Variants in PACSIN2 observed in about 807,000 individuals in gnomAD.
The protein encoded by PACSIN2 is protein kinase C and casein kinase substrate in neurons protein 2.
PACSIN2 carries 25 observed loss-of-function variants against 63.8 expected under a neutral mutation model. The ratio of observed to expected loss-of-function variants is 0.39; its 90% CI spans 0.29 to 0.55. The LOEUF (loss-of-function observed/expected upper bound fraction) is 0.55, where lower values mean the gene tolerates loss of function less well. Ranked by LOEUF, PACSIN2 falls within the 20% of genes least tolerant of loss-of-function variation. The pLI, the probability that PACSIN2 is intolerant of heterozygous loss-of-function variation, is 0.62. For synonymous variants in PACSIN2, 255 were observed against 256.2 expected (o/e 1.00, Z 0.05); for missense variants, 518 against 646.9 (o/e 0.80, Z 2.16).
rs1923229910 is a variant in PACSIN2 at position 42,994,032 on chromosome 22, G to C, written c.-78+20989C>G. Among the ~76,000 whole-genome samples the C allele has an allele frequency of 2.6e-5, 4 of 152,218 alleles. No individual in the cohort carries two copies. The South Asian group carries it at 8.3e-4, about 31-fold the overall frequency. On this transcript the variant is annotated intron_variant, in intron 1 of 10. Transcript: ENST00000263246. ...AAAACTCTTCAGTGGGATTCCTCCAGGCTAAAGTCCAGTGAGCTAAAGCCG... is the reference window on the plus strand; with the variant it reads ...AAAACTCTTCAGTGGGATTCCTCCACGCTAAAGTCCAGTGAGCTAAAGCCG...
At chr22:42,958,560 CAAG>C (rs947551886) in intron 1 of PACSIN2, among the ~76,000 whole-genome samples, 6 of 151,960 alleles carry the variant, frequency 3.9e-5, no homozygotes, top group African/African-American at 1.5e-4. Flanking sequence ...GTTTTACTGA[CAAG>C]AAGGAAGGGA....
At chr22:42,949,449 T>C (rs983944657) in intron 1 of PACSIN2, among the ~76,000 whole-genome samples, 7 of 147,278 alleles carry the variant, frequency 4.8e-5, no homozygotes, top group Admixed American at 2.6e-4. Flanking sequence ...TTAAGCCTCA[T>C]ACACACACGC....
chr22:43,006,373 T>C (rs1175469708), intron 1 of PACSIN2, among the ~76,000 whole-genome samples: 1 of 152,218 alleles, frequency 6.6e-6, no homozygotes, highest in Non-Finnish European at 1.5e-5. Context: ...CACCTAGTGA[T>C]GGAGCTCGAA....
chr22:42,998,006 C>T (rs1293044679), intron 1 of PACSIN2, among the ~76,000 whole-genome samples: 2 of 152,192 alleles, frequency 1.3e-5, no homozygotes, highest in Non-Finnish European at 2.9e-5. Context: ...TCTAACAGGC[C>T]AGAGCTTTCC....
chr22:42,999,488 G>A (rs1923626174), intron 1 of PACSIN2, among the ~76,000 whole-genome samples: 1 of 152,204 alleles, frequency 6.6e-6, no homozygotes, highest in Admixed American at 6.5e-5. Context: ...TGACCAAGAT[G>A]GAGAAACCCT....
At chr22:42,877,233 T>C (rs1291373253) in intron 8 of PACSIN2, among the ~76,000 whole-genome samples, 3 of 152,138 alleles carry the variant, frequency 2.0e-5, no homozygotes, top group Non-Finnish European at 4.4e-5. Context: ...CCCTTTTCCT[T>C]CCTTGCACCT....
chr22:42,940,054 A>C (rs1933081942), intron 1 of PACSIN2, among the ~76,000 whole-genome samples: 2 of 152,202 alleles, frequency 1.3e-5, no homozygotes, highest in South Asian at 4.1e-4. Flanking sequence ...GGCCCCCTGC[A>C]TCCAGCAGCC....
At chr22:42,876,456 G>A in intron 9 of PACSIN2, 123 bp from the exon 10 acceptor site, 1 of 752,934 alleles carries the variant, frequency 1.3e-6, no homozygotes, top group Non-Finnish European at 2.2e-6. Flanking sequence ...TTCCGAAGGA[G>A]CACAGGTGGA....
intron 1 of PACSIN2, among the ~76,000 whole-genome samples, chr22:42,972,143 C>T (rs891625951): frequency 2.0e-5 from 3 of 152,188 alleles, no homozygotes; most frequent in Non-Finnish European, 4.4e-5. Flanking sequence ...ATAGGAGACT[C>T]CATTTTGTTC....
intron 1 of PACSIN2, among the ~76,000 whole-genome samples, chr22:42,918,908 CA>C (rs1931981416): frequency 6.6e-6 from 1 of 152,154 alleles, no homozygotes; most frequent in East Asian, 1.9e-4. Context: ...TGAAGAAACA[CA>C]TAAGCTGAGG....
intron 1 of PACSIN2, among the ~76,000 whole-genome samples, chr22:42,936,219 A>AG (rs1932914244): frequency 6.6e-6 from 1 of 151,630 alleles, no homozygotes; most frequent in South Asian, 2.1e-4. Flanking sequence ...CCGTCTCAAA[A>AG]AAAAAAAAAA....
intron 10 of PACSIN2, among the ~76,000 whole-genome samples, chr22:42,875,382 T>C (rs1928532997): frequency 6.6e-6 from 1 of 152,112 alleles, no homozygotes; most frequent in Non-Finnish European, 1.5e-5. Flanking sequence ...ATTTGTTTGT[T>C]TGTTTGCGAC....
chr22:42,943,454 CA>C (rs1250644551), intron 1 of PACSIN2, among the ~76,000 whole-genome samples: 1 of 152,196 alleles, frequency 6.6e-6, no homozygotes, highest in African/African-American at 2.4e-5. Context: ...GAACAGACAT[CA>C]AGGTCCTATT....
chr22:42,907,024 G>A (rs760625986), intron 2 of PACSIN2, among the ~76,000 whole-genome samples: 19 of 152,192 alleles, frequency 1.2e-4, no homozygotes, highest in Non-Finnish European at 2.4e-4. Context: ...AGCAGTCAGG[G>A]AAGGCTCTTC....
At position 43,013,706 on chromosome 22, in the gene PACSIN2, GGGAAGGAAGAA is replaced by G. The variant is rs1443279853; in HGVS notation, c.-78+1304_-78+1314del. ...CCGCAGAGGAAGGCACCGAAAAGGA[GGGAAGGAAGAA>G]GGTGTGAGCTCACCATCTGCAGCTG... is the stretch of plus-strand genomic sequence containing the variant. On this transcript the variant is annotated intron_variant, in intron 1 of 10. Coordinates refer to ENST00000263246, the MANE Select transcript of PACSIN2 (RefSeq NM_001184970.3). 2.6e-5 allele frequency among the ~76,000 whole-genome samples: 4 copies of G among 152,210 alleles called. No individual in the cohort carries two copies. The East Asian group carries it at 5.8e-4, about 22-fold the overall frequency.
intron 2 of PACSIN2, among the ~76,000 whole-genome samples, chr22:42,902,832 T>G (rs1289183195): frequency 6.6e-6 from 1 of 152,224 alleles, no homozygotes; most frequent in Non-Finnish European, 1.5e-5. Context: ...CAGGCTGGTC[T>G]TGAACTCCTG....
intron 1 of PACSIN2, among the ~76,000 whole-genome samples, chr22:42,994,520 G>A (rs1457803666): frequency 6.6e-6 from 1 of 152,252 alleles, no homozygotes; most frequent in Non-Finnish European, 1.5e-5. Flanking sequence ...ACCTTTGGCT[G>A]GAGGCACGTG....
chr22:42,945,392 T>G (rs1933372456), intron 1 of PACSIN2, among the ~76,000 whole-genome samples: 1 of 152,118 alleles, frequency 6.6e-6, no homozygotes, highest in African/African-American at 2.4e-5. Flanking sequence ...TTACGTCTTC[T>G]GTGCCCACAC....
At chr22:42,968,285 CT>C (rs548464362) in intron 1 of PACSIN2, among the ~76,000 whole-genome samples, 2 of 152,084 alleles carry the variant, frequency 1.3e-5, no homozygotes, top group Non-Finnish European at 1.5e-5. Context: ...AGTCTGCCAC[CT>C]TTTTTTTCAT....
Sources: allele counts gnomAD v4.1 joint callset (sites outside exome capture counted in the v4.1 genomes callset), GRCh38; gene constraint gnomAD v4.1.1; transcripts MANE v1.5; gene names NCBI Gene and HGNC (gene_info 2026-07-23, HGNC 2026-07-21).